SSH1: variants seen among roughly 807,000 people sequenced by gnomAD.
SSH1 encodes slingshot protein phosphatase 1.
In SSH1, 43 loss-of-function variants were observed where a neutral mutation model predicts 79.7. That is an observed-to-expected ratio of 0.54 (90% confidence interval 0.42 to 0.70). The LOEUF is 0.70. Among genes scored for constraint, SSH1 ranks in the 30% least tolerant of loss-of-function variants. The pLI is 0.00. For missense variants in SSH1, 1,206 were observed against 1,358.8 expected, an observed-to-expected ratio of 0.89 and a Z score of 1.77; for synonymous variants, 599 against 538.3, an observed-to-expected ratio of 1.11 and a Z score of -1.56.
chr12:108,808,190 G>A (rs968513431), intron 7 of SSH1, among the ~76,000 whole-genome samples: 6 of 152,124 alleles, frequency 3.9e-5, no homozygotes, highest in South Asian at 2.1e-4. Flanking sequence ...TGCCCGCCTC[G>A]GCCTCCCAAA....
rs117611654 is a variant in SSH1, at chr12:108,812,813, A to G, written c.402-1485T>C. On this transcript the variant is annotated intron_variant, in intron 5 of 14. Coordinates refer to ENST00000326495, the MANE Select transcript of SSH1 (RefSeq NM_018984.4). ...TTCCAGCAGTCCTACAATGATTAAC[A>G]ATAAGATTTCTACAAGGAAGGAAGA... Among the ~76,000 whole-genome samples the G allele has an allele frequency of 2.6e-4, 40 of 152,078 alleles. No homozygotes were observed. In the East Asian group the frequency reaches 7.3e-3, roughly 28 times the overall value.
chr12:108,816,209 G>T (rs2037879050), intron 5 of SSH1, among the ~76,000 whole-genome samples: 1 of 152,180 alleles, frequency 6.6e-6, no homozygotes, highest in Non-Finnish European at 1.5e-5. Flanking sequence ...CCTCCTATCT[G>T]GTTGTGACTG....
chr12:108,786,326 C>G lies in SSH1; in HGVS notation c.*1662G>C, dbSNP rs535242908. 2 of 152,412 alleles carry G rather than the reference C, an allele frequency of 1.3e-5. No individual in the cohort carries two copies. Among genetic ancestry groups the G allele is most frequent in the African/African-American group, 4.8e-5 (2 of 41,572 alleles). The allele number at this position is 152,412 out of a possible 1,614,324, so 9.4% of individuals were successfully genotyped here. A position where few individuals can be genotyped will look rare whatever the true frequency, so the allele number is the denominator to read the frequency against. On this transcript the variant is annotated 3_prime_UTR_variant, in exon 15 of 15. Coordinates refer to ENST00000326495, the MANE Select transcript of SSH1 (RefSeq NM_018984.4). ...CCCCCATGTACGCAACCTACTCCAT[C>G]CTGCACAGGTGAGGCTAGTGCGGGG...
chr12:108,849,542 G>C (rs1167549993), intron 2 of SSH1, among the ~76,000 whole-genome samples: 6 of 152,038 alleles, frequency 3.9e-5, no homozygotes, highest in South Asian at 2.1e-4. Flanking sequence ...GGACAACAAA[G>C]ACCCTGTCTC....
At position 108,810,262 on chromosome 12, in the gene SSH1, C is replaced by T. The variant is rs1480699647; in HGVS notation, c.471-504G>A. 2.0e-5 allele frequency among the ~76,000 whole-genome samples: 3 copies of T among 151,918 alleles called. No individual in the cohort carries two copies. In the East Asian group the frequency reaches 5.8e-4, roughly 29 times the overall value. On this transcript the variant is annotated intron_variant, in intron 6 of 14. Transcript: ENST00000326495. Reference sequence around the variant, plus strand: ...ACAAGCCAGGGGTGGTGGCTCACGCCTGTAATCCCAGCACTTTGGGAGGCC... The same window carrying T: ...ACAAGCCAGGGGTGGTGGCTCACGCTTGTAATCCCAGCACTTTGGGAGGCC...
rs1260399051 is a variant in SSH1 at position 108,823,260 on chromosome 12, G to A, written c.212C>T (p.Ala71Val). Residue 71 changes from alanine to valine, a missense_variant and splice_region_variant, in exon 3 of 15, where the codon GCA becomes GTA. Around this residue, in one of 5 missense-constraint regions of SSH1, gnomAD observed 115 missense variants for 173.9 expected, o/e 0.66. Coordinates refer to ENST00000326495, the MANE Select transcript of SSH1 (RefSeq NM_018984.4). Reference protein sequence around the residue: ...QRSLQHPHKHAGDLPQHLQVM... With the variant: ...QRSLQHPHKHVGDLPQHLQVM... ...GAGTATCAACTTAGAGCCCTCACCT[G>A]CATGCTTGTGGGGGTGCTGAAGACT... 2 of 1,579,724 alleles carry A rather than the reference G, an allele frequency of 1.3e-6. No individual in the cohort carries two copies.
At chr12:108,793,567 TA>T (rs941178182) in intron 13 of SSH1, among the ~76,000 whole-genome samples, 9 of 152,176 alleles carry the variant, frequency 5.9e-5, no homozygotes, top group African/African-American at 1.9e-4. Flanking sequence ...ATTTTTAAAT[TA>T]TTTTTTTTGT....
At chr12:108,796,640 T>C (rs1288035529) in intron 13 of SSH1, among the ~76,000 whole-genome samples, 1 of 152,264 alleles carries the variant, frequency 6.6e-6, no homozygotes, top group Non-Finnish European at 1.5e-5. Flanking sequence ...CTATCGTGGA[T>C]AATGTTGCTA....
chr12:108,812,162 G>A lies in SSH1; in HGVS notation c.402-834C>T, dbSNP rs540146694. 1.6e-4 allele frequency among the ~76,000 whole-genome samples: 24 copies of A among 152,276 alleles called. No homozygotes were observed. In the South Asian group the frequency reaches 3.9e-3, roughly 25 times the overall value. On this transcript the variant is annotated intron_variant, in intron 5 of 14. Transcript: ENST00000326495. ...GGGGAAGGTTGTTCCAAGCCCTTCC[G>A]GCCAATGACACTCAGGCTTTTGGGT...
At chr12:108,798,272 C>T (rs1477893971) in intron 13 of SSH1, among the ~76,000 whole-genome samples, 1 of 152,262 alleles carries the variant, frequency 6.6e-6, no homozygotes, top group Non-Finnish European at 1.5e-5. Context: ...CAAGCGACCA[C>T]CCACCTTGGC....
chr12:108,799,280 T>C (rs1169159927), intron 12 of SSH1, 80 bp from the exon 13 acceptor site: 1 of 1,190,450 alleles, frequency 8.4e-7, no homozygotes, highest in Non-Finnish European at 1.2e-6. Flanking sequence ...AACAACTTCA[T>C]TCTCTCAGGT....
chr12:108,828,466 G>A (rs543345039), intron 2 of SSH1, among the ~76,000 whole-genome samples: 45 of 152,290 alleles, frequency 3.0e-4, no homozygotes, highest in African/African-American at 1.0e-3. Flanking sequence ...GGTCACATCC[G>A]CTCATGCCTG....
chr12:108,788,476 C>CG lies in SSH1; in HGVS notation c.2661dup (p.Ala888ArgfsTer23). 2 of 1,555,964 alleles carry CG rather than the reference C, an allele frequency of 1.3e-6. No homozygotes were observed. Among genetic ancestry groups the CG allele is most frequent in the Non-Finnish European group, 8.7e-7 (1 of 1,153,762 alleles). The stretch of plus-strand genomic sequence containing the variant: ...TTCAGTGAGCCTCCTTCCAATGAAG[C>CG]GGGGGCGGCCTCTGACTTCTCATCA... On this transcript the variant is annotated frameshift_variant, in exon 15 of 15. Transcript: ENST00000326495. LOFTEE classifies it high-confidence loss of function.
chr12:108,781,594 C>T lies in SSH1; in HGVS notation c.*6394G>A. On this transcript the variant is annotated 3_prime_UTR_variant, in exon 15 of 15. Transcript: ENST00000326495. ...AAAATACTTCCTGGCTCTGCAGGCA[C>T]TGGAATTTAGGGGTCACGCCCAGGT... is the stretch of plus-strand genomic sequence containing the variant. The T allele has an allele frequency of 6.6e-6, 1 of 152,242 alleles. No homozygotes were observed. Among genetic ancestry groups the T allele is most frequent in the East Asian group, 1.9e-4 (1 of 5,202 alleles). 9.4% of individuals were successfully genotyped at this position (152,242 alleles called of 1,614,324 possible). A position where few individuals can be genotyped will look rare whatever the true frequency, so the allele number is the denominator to read the frequency against.
chr12:108,839,446 C>T (rs1031228092), intron 2 of SSH1, among the ~76,000 whole-genome samples: 5 of 152,194 alleles, frequency 3.3e-5, no homozygotes, highest in Non-Finnish European at 7.3e-5. Context: ...CCAGATGCTG[C>T]AGCCAGCCTG....
intron 2 of SSH1, among the ~76,000 whole-genome samples, chr12:108,842,893 T>A (rs1459475835): frequency 6.6e-6 from 1 of 152,196 alleles, no homozygotes; most frequent in Admixed American, 6.5e-5. Flanking sequence ...AATTCAAATG[T>A]CCTTACAGGG....
At chr12:108,811,413 C>T (rs11114060) in intron 5 of SSH1, 85 bp from the exon 6 acceptor site, 363,828 of 1,289,772 alleles carry the variant, frequency 0.28, 53,761 homozygotes, top group South Asian at 0.41. Context: ...TGGTCCAGGA[C>T]GGGCTGTTGG....
At position 108,780,433 on chromosome 12, in the gene SSH1, A is replaced by G. The variant is rs2036135027; in HGVS notation, c.*7555T>C. On this transcript the variant is annotated 3_prime_UTR_variant, in exon 15 of 15. Transcript: ENST00000326495. ...TATCGGATGAGTTTTATGAACACACATTGTTAGGGTAGTGTGGGTGTTGTC... is the reference window on the plus strand; with the variant it reads ...TATCGGATGAGTTTTATGAACACACGTTGTTAGGGTAGTGTGGGTGTTGTC... The G allele has an allele frequency of 6.6e-6, 1 of 152,198 alleles. No individual in the cohort carries two copies. The highest frequency in any genetic ancestry group is 2.4e-5 in the African/African-American group (1 of 41,450). 9.4% of individuals were successfully genotyped at this position (152,198 alleles called of 1,614,324 possible).
chr12:108,806,238 G>C, intron 9 of SSH1, 63 bp downstream of exon 9: 1 of 1,483,934 alleles, frequency 6.7e-7, no homozygotes, highest in Non-Finnish European at 9.4e-7. Flanking sequence ...CTGCACTTTC[G>C]GGAGCAGGAC....
Sources: gnomAD v4.1 joint callset for allele counts (sites outside exome capture counted in the v4.1 genomes callset) on GRCh38, gnomAD v4.1.1 for gene constraint, gnomAD v4.1.1 regional missense constraint, MANE v1.5 for transcripts, NCBI Gene and HGNC (gene_info 2026-07-23, HGNC 2026-07-21) for gene names.